CPAP: variants seen among roughly 807,000 people sequenced by gnomAD.
The protein encoded by CPAP is centrosome assembly and centriole elongation protein.
At chr13:24,903,768 T>C in the CPAP span, among the ~76,000 whole-genome samples, 39 of 152,212 alleles carry the variant, frequency 2.6e-4, no homozygotes, top group Non-Finnish European at 5.1e-4. Flanking sequence ...CCCTGGGTCA[T>C]TTTATTCAGT....
At chr13:24,902,505 ACT>A in the CPAP span, among the ~76,000 whole-genome samples, 3 of 152,240 alleles carry the variant, frequency 2.0e-5, no homozygotes, top group Non-Finnish European at 4.4e-5. Flanking sequence ...TTTTAAGCAT[ACT>A]GCAGATTATA....
the CPAP span, among the ~76,000 whole-genome samples, chr13:24,888,866 G>C: frequency 1.3e-5 from 2 of 152,098 alleles, no homozygotes; most frequent in Admixed American, 6.5e-5. Context: ...AGGACACACA[G>C]AATATGAAAC....
chr13:24,897,535 G>A, the CPAP span, among the ~76,000 whole-genome samples: 1 of 152,126 alleles, frequency 6.6e-6, no homozygotes, highest in Non-Finnish European at 1.5e-5. Flanking sequence ...GCCCTTCTTG[G>A]ATTCTTGTAA....
the CPAP span, among the ~76,000 whole-genome samples, chr13:24,909,154 G>A: frequency 6.6e-6 from 1 of 152,056 alleles, no homozygotes; most frequent in Admixed American, 6.6e-5. Context: ...AAAATAAAAG[G>A]CTATGGAAAC....
the CPAP span, among the ~76,000 whole-genome samples, chr13:24,914,947 C>T: frequency 6.6e-5 from 10 of 152,090 alleles, no homozygotes; most frequent in African/African-American, 2.4e-4. Flanking sequence ...TCAGGGTGCA[C>T]GCCTGTAATC....
At chr13:24,884,183 T>TAAGA in the CPAP span, 21 of 1,614,068 alleles carry the variant, frequency 1.3e-5, no homozygotes, top group Non-Finnish European at 1.8e-5. Flanking sequence ...TTGAGAAATG[T>TAAGA]AAGACTTCCA....
chr13:24,893,239 ACTAGAG>A, the CPAP span, among the ~76,000 whole-genome samples: 31 of 152,374 alleles, frequency 2.0e-4, no homozygotes, highest in African/African-American at 7.0e-4. Flanking sequence ...CTGAAGGAAG[ACTAGAG>A]CTAAAGAATA....
chr13:24,924,147 A>G, the CPAP span, among the ~76,000 whole-genome samples: 2 of 151,990 alleles, frequency 1.3e-5, no homozygotes, highest in Non-Finnish European at 2.9e-5. Context: ...TTTTCTTTTT[A>G]ATTTTCACTG....
the CPAP span, among the ~76,000 whole-genome samples, chr13:24,909,532 A>C: frequency 6.6e-6 from 1 of 151,434 alleles, no homozygotes; most frequent in Non-Finnish European, 1.5e-5. Flanking sequence ...TCTCAAAAAA[A>C]AAAAACACGC....
chr13:24,894,484 G>A, the CPAP span, among the ~76,000 whole-genome samples: 1 of 152,244 alleles, frequency 6.6e-6, no homozygotes, highest in Admixed American at 6.5e-5. Flanking sequence ...GGCTCCACAG[G>A]GGCCGTGTCA....
the CPAP span, among the ~76,000 whole-genome samples, chr13:24,927,465 A>G: frequency 2.0e-5 from 3 of 152,192 alleles, no homozygotes; most frequent in South Asian, 4.1e-4. Flanking sequence ...ACAGGCTATC[A>G]ATGCTAATTT....
At chr13:24,926,872 GATTA>G in the CPAP span, among the ~76,000 whole-genome samples, 1 of 152,146 alleles carries the variant, frequency 6.6e-6, no homozygotes, top group Non-Finnish European at 1.5e-5. Context: ...TCTACAAAAG[GATTA>G]ATTGAGGCCA....
At chr13:24,929,387 T>C in the CPAP span, among the ~76,000 whole-genome samples, 17 of 152,250 alleles carry the variant, frequency 1.1e-4, no homozygotes, top group Non-Finnish European at 2.4e-4. Context: ...CAGGATAGTT[T>C]TGACAGATAC....
At chr13:24,910,217 G>A in the CPAP span, 1 of 863,362 alleles carries the variant, frequency 1.2e-6, no homozygotes, top group South Asian at 1.4e-5. Flanking sequence ...ATTAGGAAAT[G>A]GTGTTTAACA....
At chr13:24,933,734 T>C in the CPAP span, among the ~76,000 whole-genome samples, 1 of 152,096 alleles carries the variant, frequency 6.6e-6, no homozygotes, top group Admixed American at 6.5e-5. Context: ...CTTCTTCTTT[T>C]TTTTTTTTTA....
At chr13:24,931,301 T>G in the CPAP span, among the ~76,000 whole-genome samples, 1 of 90,556 alleles carries the variant, frequency 1.1e-5, no homozygotes, top group Non-Finnish European at 2.2e-5. Flanking sequence ...CATTTTTTCA[T>G]GTTTCTTTTT....
the CPAP span, chr13:24,933,244 C>CTACT: frequency 1.2e-6 from 1 of 849,420 alleles, no homozygotes; most frequent in East Asian, 2.6e-5. Flanking sequence ...AGAGAGTGAG[C>CTACT]TACTGGAAGC....
chr13:24,903,333 A>T, the CPAP span, among the ~76,000 whole-genome samples: 7 of 152,224 alleles, frequency 4.6e-5, no homozygotes, highest in African/African-American at 1.4e-4. Flanking sequence ...GTGGGCCCTT[A>T]AACCAATATG....
chr13:24,921,931 C>T, the CPAP span, among the ~76,000 whole-genome samples: 1 of 152,072 alleles, frequency 6.6e-6, no homozygotes, highest in African/African-American at 2.4e-5. Context: ...CCAGAACCTG[C>T]TACTTATTAT....
Sources: gnomAD v4.1 joint callset for allele counts (sites outside exome capture counted in the v4.1 genomes callset) on GRCh38, gnomAD v4.1.1 for gene constraint, MANE v1.5 for transcripts, NCBI Gene and HGNC (gene_info 2026-07-23, HGNC 2026-07-21) for gene names.